The following ADPGK variants were observed in gnomAD, a reference collection of about 807,000 sequenced individuals.
The protein encoded by ADPGK is ADP dependent glucokinase, also known as ADP-dependent glucokinase.
ADPGK carries 26 observed loss-of-function variants against 42.4 expected under a neutral mutation model. The observed-to-expected ratio is 0.61, with a 90% confidence interval of 0.45 to 0.85. The LOEUF (loss-of-function observed/expected upper bound fraction) is 0.85. Ranked by LOEUF, ADPGK falls within the 40% of genes least tolerant of loss-of-function variation. The probability of loss-of-function intolerance (pLI) is 0.00; values close to 1 mark genes in which losing one functional copy is unlikely to be tolerated. For missense variants in ADPGK, 571 were observed against 627.0 expected, an observed-to-expected ratio of 0.91 and a Z score of 0.95; for synonymous variants, 267 against 252.6, an observed-to-expected ratio of 1.06 and a Z score of -0.54.
At chr15:72,773,016 C>T (rs1206009574) in intron 2 of ADPGK, among the ~76,000 whole-genome samples, 1 of 152,088 alleles carries the variant, frequency 6.6e-6, no homozygotes, top group Non-Finnish European at 1.5e-5. Flanking sequence ...ATAGACTAAA[C>T]CAGGGGTGTC....
chr15:72,777,819 C>G (rs866540513), intron 1 of ADPGK, among the ~76,000 whole-genome samples: 74 of 152,252 alleles, frequency 4.9e-4, no homozygotes, highest in African/African-American at 1.5e-3. Context: ...CAAAACCCAA[C>G]AGAACTAATT....
At chr15:72,774,582 T>C (rs1170887912) in intron 2 of ADPGK, among the ~76,000 whole-genome samples, 1 of 152,180 alleles carries the variant, frequency 6.6e-6, no homozygotes, top group African/African-American at 2.4e-5. Flanking sequence ...ACCTACAGGA[T>C]CAACCAGGAA....
chr15:72,781,541 G>A (rs1330442973), intron 1 of ADPGK, among the ~76,000 whole-genome samples: 1 of 152,164 alleles, frequency 6.6e-6, no homozygotes, highest in Admixed American at 6.5e-5. Context: ...TTTCCAAGAT[G>A]GTGGCAATAA....
Position 72,774,298 on chromosome 15 carries a change from G to T in ADPGK, c.459+574C>A, listed in dbSNP as rs185024735. 1.7e-3 allele frequency among the ~76,000 whole-genome samples: 260 copies of T among 152,258 alleles called. 1 individual carries two copies. The highest frequency in any genetic ancestry group is 2.6e-3 in the Non-Finnish European group (174 of 68,014). ...TTTAAATGAGGAGGAAGAATGGGGT[G>T]GGGGCAAGACATGGGAGATAACCAA... On this transcript the variant is annotated intron_variant, in intron 2 of 6. Coordinates refer to ENST00000456471, the MANE Select transcript of ADPGK (RefSeq NM_001365225.1).
At chr15:72,767,338 T>C (rs1036049624) in intron 3 of ADPGK, among the ~76,000 whole-genome samples, 1 of 151,676 alleles carries the variant, frequency 6.6e-6, no homozygotes, top group African/African-American at 2.4e-5. Flanking sequence ...AAAATTACAG[T>C]TGGAGACGTC....
At chr15:72,763,811 T>C (rs2066225048) in intron 3 of ADPGK, among the ~76,000 whole-genome samples, 1 of 152,238 alleles carries the variant, frequency 6.6e-6, no homozygotes, top group Non-Finnish European at 1.5e-5. Flanking sequence ...CAGCATGTGC[T>C]CACTTCGTGT....
intron 1 of ADPGK, among the ~76,000 whole-genome samples, chr15:72,781,468 T>A (rs1267349481): frequency 1.3e-5 from 2 of 152,224 alleles, no homozygotes; most frequent in Non-Finnish European, 2.9e-5. Flanking sequence ...GTTCCCACTT[T>A]GGCTTGAAGA....
intron 2 of ADPGK, 116 bp from the exon 3 acceptor site, chr15:72,771,961 G>A (rs1329949516): frequency 6.7e-6 from 5 of 749,602 alleles, no homozygotes; most frequent in Non-Finnish European, 9.8e-6. Flanking sequence ...ACATTTTGAG[G>A]TGATTTTACA....
At chr15:72,753,505 C>T (rs572639431) in intron 6 of ADPGK, among the ~76,000 whole-genome samples, 2 of 152,322 alleles carry the variant, frequency 1.3e-5, no homozygotes, top group Admixed American at 1.3e-4. Context: ...TATCCACCTC[C>T]CTGTCTTTCT....
intron 3 of ADPGK, among the ~76,000 whole-genome samples, chr15:72,766,166 T>A (rs1566954875): frequency 6.6e-6 from 1 of 151,858 alleles, no homozygotes; most frequent in Non-Finnish European, 1.5e-5. Context: ...TAAAAAAAAT[T>A]TTTTTTTAGA....
intron 4 of ADPGK, among the ~76,000 whole-genome samples, chr15:72,760,002 G>A (rs896945687): frequency 2.6e-5 from 4 of 152,214 alleles, no homozygotes; most frequent in Non-Finnish European, 5.9e-5. Flanking sequence ...CAAGCAGCTT[G>A]GAAGAGTCAG....
intron 1 of ADPGK, among the ~76,000 whole-genome samples, chr15:72,777,199 C>A (rs555305953): frequency 6.6e-6 from 1 of 152,306 alleles, no homozygotes; most frequent in South Asian, 2.1e-4. Flanking sequence ...GTAGAATCAA[C>A]AGGAATACAA....
At chr15:72,767,173 A>C (rs562500583) in intron 3 of ADPGK, among the ~76,000 whole-genome samples, 35 of 152,322 alleles carry the variant, frequency 2.3e-4, no homozygotes, top group African/African-American at 7.5e-4. Flanking sequence ...CAGAGCAAAG[A>C]ATATTATGAA....
intron 2 of ADPGK, among the ~76,000 whole-genome samples, chr15:72,773,385 T>A (rs1192552246): frequency 6.6e-6 from 1 of 152,230 alleles, no homozygotes; most frequent in Non-Finnish European, 1.5e-5. Context: ...AGCCTTAATG[T>A]TTTATTCAAC....
chr15:72,760,417 C>T lies in ADPGK; in HGVS notation c.633G>A (p.Glu211=). 1.2e-6 allele frequency: 2 copies of T among 1,602,604 alleles called. No homozygotes were observed. The highest frequency in any genetic ancestry group is 1.7e-6 in the Non-Finnish European group (2 of 1,171,562). ...QEVDEFHLIL[E]YQAGEEWGQL... Reference sequence around the variant, plus strand: ...TACTCATTTCCTTACCTGCTTGATACTCTAAAATGAGGTGGAACTCATCCA... The same window carrying T: ...TACTCATTTCCTTACCTGCTTGATATTCTAAAATGAGGTGGAACTCATCCA... The change falls in exon 4 of 7, where the codon GAG becomes GAA. Residue 211 remains glutamate, a synonymous_variant. Transcript: ENST00000456471.
intron 2 of ADPGK, among the ~76,000 whole-genome samples, chr15:72,774,388 T>C (rs953833137): frequency 8.6e-5 from 13 of 151,988 alleles, no homozygotes; most frequent in African/African-American, 2.9e-4. Flanking sequence ...TGGGGTGAGG[T>C]AGGAAGAGCC....
At chr15:72,782,840 T>C (rs2066481717) in intron 1 of ADPGK, 1 of 152,160 alleles carries the variant, frequency 6.6e-6, no homozygotes, top group African/African-American at 2.4e-5. Flanking sequence ...CAAGGAAAAG[T>C]ACAAAGAAAG....
intron 1 of ADPGK, among the ~76,000 whole-genome samples, chr15:72,778,678 TCTC>T (rs2066419154): frequency 6.6e-6 from 1 of 152,196 alleles, no homozygotes; most frequent in South Asian, 2.1e-4. Context: ...ATGTTTCCTA[TCTC>T]CTCCCTTCTG....
rs576314478 is a variant in ADPGK, at chr15:72,767,031, C to T, written c.522+4752G>A. 7.2e-4 allele frequency among the ~76,000 whole-genome samples: 110 copies of T among 152,176 alleles called. 4 individuals are homozygous for T. The South Asian group carries it at 0.02, about 27-fold the overall frequency. On this transcript the variant is annotated intron_variant, in intron 3 of 6. Transcript: ENST00000456471. Reference sequence around the variant, plus strand: ...GATTAAAAAGCAAGCCCCAACTATACGCTGTCTATAAAAAATACACTTTAA... The same window carrying T: ...GATTAAAAAGCAAGCCCCAACTATATGCTGTCTATAAAAAATACACTTTAA...
Sources: allele counts gnomAD v4.1 joint callset (sites outside exome capture counted in the v4.1 genomes callset), GRCh38; gene constraint gnomAD v4.1.1; transcripts MANE v1.5; gene names NCBI Gene and HGNC (gene_info 2026-07-23, HGNC 2026-07-21).